The following MYLK variants were observed in gnomAD, a reference collection of about 807,000 sequenced individuals.
MYLK encodes myosin light chain kinase.
Under a neutral mutation model 203.4 loss-of-function variants are expected in MYLK, and 106 were observed. That is an observed-to-expected ratio of 0.52 (90% confidence interval 0.45 to 0.61). The LOEUF is 0.61. Among genes scored for constraint, MYLK ranks in the 20% least tolerant of loss-of-function variants. The pLI is 0.00. For synonymous variants in MYLK, 867 were observed against 959.5 expected (o/e 0.90, Z 1.78); for missense variants, 2,072 against 2,442.3 (o/e 0.85, Z 3.20).
At chr3:123,862,867 T>TATCC (rs2032036142) in intron 2 of MYLK, among the ~76,000 whole-genome samples, 1 of 152,156 alleles carries the variant, frequency 6.6e-6, no homozygotes, top group South Asian at 2.1e-4. Context: ...CCCACTCAGG[T>TATCC]ATCCCATGGG....
Position 123,785,812 on chromosome 3 carries a change from C to T in MYLK, c.165+7865G>A, listed in dbSNP as rs542263771. ...ATTCAGCACTTAAATAGTGCTGATG[C>T]GGCTGATGCGGCTGAGGAACTGAAT... On this transcript the variant is annotated intron_variant, in intron 4 of 33. Coordinates refer to ENST00000360304, the MANE Select transcript of MYLK (RefSeq NM_053025.4). Among the ~76,000 whole-genome samples the T allele has an allele frequency of 5.7e-4, 86 of 152,158 alleles. 3 individuals are homozygous for T. In the South Asian group the frequency reaches 0.017, roughly 29 times the overall value.
At chr3:123,674,308 C>G (rs2060007165) in intron 20 of MYLK, among the ~76,000 whole-genome samples, 1 of 152,172 alleles carries the variant, frequency 6.6e-6, no homozygotes, top group African/African-American at 2.4e-5. Flanking sequence ...GTCCCAACTG[C>G]ATCACCTCCT....
intron 3 of MYLK, among the ~76,000 whole-genome samples, chr3:123,826,046 T>C (rs1156913988): frequency 6.6e-6 from 1 of 152,168 alleles, no homozygotes; most frequent in Non-Finnish European, 1.5e-5. Flanking sequence ...GCCTGCCTAG[T>C]GGCCCTGTAC....
In MYLK at chr3:123,611,670, A is replaced by G. The variant is rs2057249255; in HGVS notation, c.*2435T>C. 6.6e-6 allele frequency: 1 copy of G among 152,624 alleles called. No homozygotes were observed. 9.5% of individuals were successfully genotyped at this position (152,624 alleles called of 1,614,324 possible). ...ATTTCTATTATTATTACATTGTAAT[A>G]ATATATTTTATTATAATATAAAATA... On this transcript the variant is annotated 3_prime_UTR_variant, in exon 34 of 34. Transcript: ENST00000360304.
chr3:123,677,918 T>TATATATATATACACACAC (rs1273803739), intron 20 of MYLK, among the ~76,000 whole-genome samples: 16 of 78,888 alleles, frequency 2.0e-4, no homozygotes, highest in African/African-American at 9.7e-4. Context: ...TATATATATA[T>TATATATATATACACACAC]ACACACACAC....
chr3:123,872,998 C>T (rs1019265457), intron 2 of MYLK, among the ~76,000 whole-genome samples: 14 of 152,136 alleles, frequency 9.2e-5, no homozygotes, highest in Non-Finnish European at 1.6e-4. Flanking sequence ...ACCTCACCAG[C>T]ATAAACTCAG....
chr3:123,709,811 G>A lies in MYLK; in HGVS notation c.1887C>T (p.Leu629=), dbSNP rs749601944. 2 of 1,614,232 alleles carry A rather than the reference G, an allele frequency of 1.2e-6. No individual in the cohort carries two copies. The highest frequency in any genetic ancestry group is 1.1e-5 in the South Asian group (1 of 91,086). ...KPTAPIFLQG[L]SDLKVMDGSQ... is the part of the protein sequence containing the mutation. ...TTCCATCCATGACTTTGAGATCAGA[G>A]AGGCCCTGCAGGAAGATGGGTGCAG... Residue 629 remains leucine (L), a synonymous_variant, in exon 14 of 34, where the codon CTC becomes CTT. Transcript: ENST00000360304.
At chr3:123,666,172 C>A in intron 22 of MYLK, 47 bp downstream of exon 22, 1 of 1,614,074 alleles carries the variant, frequency 6.2e-7, no homozygotes, top group South Asian at 1.1e-5. Flanking sequence ...AAAGGCTGTA[C>A]GGATTATTCC....
chr3:123,672,759 C>T (rs1345055559), intron 20 of MYLK, among the ~76,000 whole-genome samples: 2 of 152,206 alleles, frequency 1.3e-5, no homozygotes, highest in East Asian at 1.9e-4. Context: ...TGGCTTGGTT[C>T]CTATCAGTAA....
chr3:123,660,273 T>C (rs2059521368), intron 23 of MYLK, among the ~76,000 whole-genome samples: 1 of 152,224 alleles, frequency 6.6e-6, no homozygotes. Context: ...CAAGAAGGCA[T>C]CTTGCTTAAG....
chr3:123,777,010 A>G (rs1323802791), intron 4 of MYLK, among the ~76,000 whole-genome samples: 1 of 152,270 alleles, frequency 6.6e-6, no homozygotes, highest in African/African-American at 2.4e-5. Flanking sequence ...AGAGCAAAGC[A>G]GAACCATAGG....
At position 123,682,304 on chromosome 3, in the gene MYLK, G is replaced by T; in HGVS notation, c.3572C>A (p.Pro1191Gln). 6.3e-7 allele frequency: 1 copy of T among 1,597,222 alleles called. No homozygotes were observed. Among genetic ancestry groups the T allele is most frequent in the Non-Finnish European group, 8.5e-7 (1 of 1,171,504 alleles). The change falls in exon 20 of 34, where the codon CCA (proline) becomes CAA (glutamine). Residue 1191 changes from proline (P) to glutamine (Q), a missense_variant. By Grantham distance (76) the Pro-to-Gln change is moderately conservative. Transcript: ENST00000360304. Reference sequence around the variant, plus strand: ...TGGGGCCTTGGTGTTCTCACTGGCTGGAGCATCTGGAATGAAACAGGTAAC... The same window carrying T: ...TGGGGCCTTGGTGTTCTCACTGGCTTGAGCATCTGGAATGAAACAGGTAAC... Reference protein sequence around the residue: ...CSCQVTVDDAPASENTKAPEM... With the variant: ...CSCQVTVDDAQASENTKAPEM...
intron 18 of MYLK, among the ~76,000 whole-genome samples, chr3:123,696,059 A>G (rs924396216): frequency 6.6e-6 from 1 of 152,156 alleles, no homozygotes; most frequent in African/African-American, 2.4e-5. Flanking sequence ...CAAATCAACT[A>G]GTGGTGAACT....
chr3:123,718,461 G>A (rs1481207220), intron 13 of MYLK, among the ~76,000 whole-genome samples: 1 of 152,210 alleles, frequency 6.6e-6, no homozygotes, highest in Non-Finnish European at 1.5e-5. Context: ...CTCTCCTCCA[G>A]AGGCCTGGAA....
chr3:123,620,722 G>C (rs561106046), intron 31 of MYLK: 7 of 807,284 alleles, frequency 8.7e-6, no homozygotes, highest in Non-Finnish European at 1.1e-5. Flanking sequence ...GCTATTTCTC[G>C]TAAAACAATG....
rs1245178374 is a variant in MYLK, at chr3:123,667,204, C to T, written c.3653-17G>A. 6.2e-7 allele frequency: 1 copy of T among 1,613,636 alleles called. No homozygotes were observed. Among genetic ancestry groups the T allele is most frequent in the African/African-American group, 1.3e-5 (1 of 74,884 alleles). ...TCGCATCACCTGAAACAAAGAAGTTCACAAGTTATTTCCTGTAGTTCTGTT... is the reference window on the plus strand; with the variant it reads ...TCGCATCACCTGAAACAAAGAAGTTTACAAGTTATTTCCTGTAGTTCTGTT... On this transcript the variant is annotated splice_polypyrimidine_tract_variant and intron_variant, in intron 20 of 33. Transcript: ENST00000360304.
intron 12 of MYLK, 118 bp downstream of exon 12, chr3:123,725,826 C>T (rs964023650): frequency 2.6e-5 from 38 of 1,457,588 alleles, no homozygotes; most frequent in Non-Finnish European, 3.5e-5. Flanking sequence ...CCCTGTGCTT[C>T]CTTCTCATAC....
At chr3:123,821,464 T>C (rs1286020220) in intron 3 of MYLK, among the ~76,000 whole-genome samples, 1 of 152,244 alleles carries the variant, frequency 6.6e-6, no homozygotes, top group East Asian at 1.9e-4. Flanking sequence ...TCAGGCCCCA[T>C]GATCAGGGAT....
intron 32 of MYLK, among the ~76,000 whole-genome samples, 178 bp downstream of exon 32, chr3:123,620,029 T>C (rs2057758557): frequency 6.6e-6 from 1 of 152,080 alleles, no homozygotes; most frequent in Non-Finnish European, 1.5e-5. Flanking sequence ...GTTAAACGAT[T>C]AAGAATAATT....
Sources: gnomAD v4.1 joint callset for allele counts (sites outside exome capture counted in the v4.1 genomes callset) on GRCh38, gnomAD v4.1.1 for gene constraint, MANE v1.5 for transcripts, NCBI Gene and HGNC (gene_info 2026-07-23, HGNC 2026-07-21) for gene names.